Variants in HIVEP3 observed in about 807,000 individuals in gnomAD.
The protein encoded by HIVEP3 is HIVEP zinc finger 3.
Under a neutral mutation model 152.8 loss-of-function variants are expected in HIVEP3, and 49 were observed. The ratio of observed to expected loss-of-function variants is 0.32; its 90% CI spans 0.26 to 0.41. HIVEP3 has a LOEUF of 0.41. Ranked by LOEUF, HIVEP3 falls within the 10% of genes least tolerant of loss-of-function variation. HIVEP3 has a pLI of 1.00. For synonymous variants in HIVEP3, 1,269 were observed against 1,289.0 expected (o/e 0.98, Z 0.33); for missense variants, 2,790 against 3,103.3 (o/e 0.90, Z 2.40).
chr1:42,034,298 T>C (rs1376700074), intron 1 of HIVEP3, among the ~76,000 whole-genome samples: 1 of 152,220 alleles, frequency 6.6e-6, no homozygotes, highest in Non-Finnish European at 1.5e-5. Flanking sequence ...CTTAACAGCC[T>C]CTATCAGTAA....
At position 41,994,490 on chromosome 1, in the gene HIVEP3, T is replaced by A. The variant is rs76426555; in HGVS notation, n.119+41317A>T. On this transcript the variant is annotated intron_variant and non_coding_transcript_variant, in intron 1 of 3. Coordinates refer to the HIVEP3 transcript ENST00000489103. ...TCATGGGAACAGGTTTCCCCCATGC[T>A]GTTCTCATGATAGTGAATGAGTTCT... 7.4e-3 allele frequency among the ~76,000 whole-genome samples: 1,128 copies of A among 152,312 alleles called. 14 individuals carry two copies. The highest frequency in any genetic ancestry group is 0.058 in the East Asian group (298 of 5,182).
At chr1:41,626,980 G>A (rs1374581185) in intron 3 of HIVEP3, among the ~76,000 whole-genome samples, 2 of 152,186 alleles carry the variant, frequency 1.3e-5, no homozygotes, top group African/African-American at 4.8e-5. Flanking sequence ...GTGCACAACA[G>A]GGGCAACAGG....
rs1034111948 is a variant in HIVEP3 at position 41,855,497 on chromosome 1, A to T, written c.-801+62916T>A. ...CAGAATCTACAATGAACTCAAACAA[A>T]TTTACAAGAAAAAAACAAACAACCC... On this transcript the variant is annotated intron_variant, in intron 1 of 8. Transcript: ENST00000372583. Among the ~76,000 whole-genome samples, 6 of 152,248 alleles carry T rather than the reference A, an allele frequency of 3.9e-5. No homozygotes were observed. In the South Asian group the frequency reaches 1.2e-3, roughly 32 times the overall value.
At chr1:41,773,188 G>A (rs1252684892) in intron 1 of HIVEP3, among the ~76,000 whole-genome samples, 1 of 152,196 alleles carries the variant, frequency 6.6e-6, no homozygotes, top group African/African-American at 2.4e-5. Context: ...GCTTTGGAAG[G>A]TGTGGACTAT....
At chr1:41,608,602 T>C (rs1175373385) in intron 3 of HIVEP3, among the ~76,000 whole-genome samples, 2 of 152,224 alleles carry the variant, frequency 1.3e-5, no homozygotes, top group Non-Finnish European at 2.9e-5. Flanking sequence ...TGCTTGGCTC[T>C]TCTGAGACAA....
intron 2 of HIVEP3, among the ~76,000 whole-genome samples, chr1:41,679,973 G>C (rs553879131): frequency 2.6e-5 from 4 of 152,174 alleles, no homozygotes; most frequent in Admixed American, 6.5e-5. Context: ...CAGGACACCT[G>C]TCTGGCTCCA....
At chr1:41,768,601 C>G (rs759898768) in intron 1 of HIVEP3, among the ~76,000 whole-genome samples, 4 of 152,130 alleles carry the variant, frequency 2.6e-5, no homozygotes, top group Non-Finnish European at 5.9e-5. Context: ...GTATATAGAC[C>G]CTTGTTAACC....
Position 41,582,459 on chromosome 1 carries a change from G to A in HIVEP3, c.2339C>T (p.Pro780Leu). Residue 780 changes from proline to leucine, a missense_variant, in exon 4 of 9, where the codon CCA becomes CTA. By Grantham distance (98) the Pro-to-Leu change is moderately conservative. Around this residue, in one of 9 missense-constraint regions of HIVEP3, gnomAD observed 339 missense variants for 327.0 expected, o/e 1.04. Coordinates refer to ENST00000372583, the MANE Select transcript of HIVEP3 (RefSeq NM_024503.5). This position sits in a 1 kb window ranked among gnomAD's most constrained non-coding sequence, Gnocchi z 4.7. The part of the protein sequence containing the change: ...PTGFQPRTPK[P>L]GSGSESGKER... The stretch of plus-strand genomic sequence containing the variant: ...CTTCCCTGATTCTGAACCGGACCCT[G>A]GCTTGGGAGTCCTTGGCTGGAAGCC... The A allele has an allele frequency of 6.2e-7, 1 of 1,613,856 alleles. No homozygotes were observed. The highest frequency in any genetic ancestry group is 8.5e-7 in the Non-Finnish European group (1 of 1,179,732).
chr1:41,691,248 A>C (rs1646193434), intron 2 of HIVEP3, among the ~76,000 whole-genome samples: 2 of 152,262 alleles, frequency 1.3e-5, no homozygotes, highest in Non-Finnish European at 1.5e-5. Context: ...TTTCCTTCTA[A>C]ATTGAAAATA....
chr1:41,922,182 T>A (rs920342262), upstream of HIVEP3, among the ~76,000 whole-genome samples: 1 of 152,242 alleles, frequency 6.6e-6, no homozygotes, highest in Admixed American at 6.5e-5. Flanking sequence ...CACTTCCAGA[T>A]GTACTCTGAT....
chr1:41,944,419 G>A (rs982617757), intron 1 of HIVEP3, among the ~76,000 whole-genome samples: 1 of 152,134 alleles, frequency 6.6e-6, no homozygotes, highest in Non-Finnish European at 1.5e-5. Context: ...GGATCACCTA[G>A]GGAAGAGACG....
intron 1 of HIVEP3, among the ~76,000 whole-genome samples, chr1:41,727,176 C>T (rs147733509): frequency 2.0e-5 from 3 of 152,226 alleles, no homozygotes; most frequent in African/African-American, 4.8e-5. Flanking sequence ...TGGAGCTTCA[C>T]GTGTGTCATC....
chr1:41,605,533 T>G (rs1644811069), intron 3 of HIVEP3, among the ~76,000 whole-genome samples: 1 of 151,852 alleles, frequency 6.6e-6, no homozygotes, highest in Admixed American at 6.6e-5. Flanking sequence ...AATACAAAGC[T>G]TATAGGGAAA....
chr1:41,661,147 G>C (rs891822703), intron 2 of HIVEP3, among the ~76,000 whole-genome samples: 16 of 152,136 alleles, frequency 1.1e-4, no homozygotes, highest in African/African-American at 3.1e-4. Flanking sequence ...TTCCATTTTT[G>C]ATAAAACATA....
At position 41,591,763 on chromosome 1, in the gene HIVEP3, C is replaced by T. The variant is rs970486917; in HGVS notation, c.-521-6445G>A. On this transcript the variant is annotated intron_variant, in intron 3 of 8. Coordinates refer to ENST00000372583, the MANE Select transcript of HIVEP3 (RefSeq NM_024503.5). ...TTGTCAGTGTCCTGAATTCTAGCCT[C>T]GATTACTGCCAAATAGAAGAGTCAC... Among the ~76,000 whole-genome samples, 4 of 152,140 alleles carry T rather than the reference C, an allele frequency of 2.6e-5. No homozygotes were observed. The East Asian group carries it at 5.8e-4, about 22-fold the overall frequency.
chr1:41,667,911 A>T (rs1366611294), intron 2 of HIVEP3, among the ~76,000 whole-genome samples: 1 of 152,202 alleles, frequency 6.6e-6, no homozygotes, highest in Non-Finnish European at 1.5e-5. Flanking sequence ...GGATACTATG[A>T]TGAACAAGAC....
chr1:41,721,434 G>C (rs1646673103), intron 1 of HIVEP3, among the ~76,000 whole-genome samples: 1 of 152,096 alleles, frequency 6.6e-6, no homozygotes. Context: ...TCGAACTCCT[G>C]ACCTCAGGTG....
chr1:41,708,872 G>A (rs998649622), intron 1 of HIVEP3, among the ~76,000 whole-genome samples: 2 of 152,154 alleles, frequency 1.3e-5, no homozygotes, highest in Non-Finnish European at 2.9e-5. Context: ...TGCTGTTGGA[G>A]GCTGCTTTTA....
At chr1:41,693,614 T>C (rs1646229074) in intron 2 of HIVEP3, among the ~76,000 whole-genome samples, 1 of 152,256 alleles carries the variant, frequency 6.6e-6, no homozygotes, top group Non-Finnish European at 1.5e-5. Flanking sequence ...GTTATCATCC[T>C]TTAACCTGAT....
Sources: gnomAD v4.1 joint callset for allele counts (sites outside exome capture counted in the v4.1 genomes callset) on GRCh38, gnomAD v4.1.1 for gene constraint, gnomAD v4.1.1 regional missense constraint, Gnocchi (gnomAD v3.1) non-coding constraint, MANE v1.5 for transcripts, NCBI Gene and HGNC (gene_info 2026-07-23, HGNC 2026-07-21) for gene names.